ADAM12: variants seen among roughly 807,000 people sequenced by gnomAD.
ADAM12 encodes the protein ADAM metallopeptidase domain 12.
A neutral mutation model predicts 106.4 loss-of-function variants in ADAM12; 70 were observed. The observed-to-expected ratio is 0.66, with a 90% CI of 0.54 to 0.80. The LOEUF is 0.80. Ranked by LOEUF, ADAM12 falls within the 30% of genes least tolerant of loss-of-function variation. The pLI, the probability that ADAM12 is intolerant of heterozygous loss-of-function variation, is 0.00. For synonymous variants in ADAM12, 420 were observed against 433.5 expected, an observed-to-expected ratio of 0.97 and a Z score of 0.39; for missense variants, 1,010 against 1,171.9, an observed-to-expected ratio of 0.86 and a Z score of 2.02.
At chr10:126,051,818 GA>G (rs1176956667) in intron 14 of ADAM12, among the ~76,000 whole-genome samples, 2 of 152,146 alleles carry the variant, frequency 1.3e-5, no homozygotes, top group African/African-American at 4.8e-5. Context: ...AGGAGACACA[GA>G]AAAAAGACCC....
intron 22 of ADAM12, among the ~76,000 whole-genome samples, chr10:126,018,568 G>A (rs1391081759): frequency 1.3e-5 from 2 of 152,148 alleles, no homozygotes; most frequent in Non-Finnish European, 2.9e-5. Context: ...AGTGAGTTTT[G>A]AGCACTTATT....
intron 11 of ADAM12, among the ~76,000 whole-genome samples, chr10:126,073,072 A>T (rs768270917): frequency 2.1e-4 from 32 of 152,190 alleles, no homozygotes; most frequent in Non-Finnish European, 4.3e-4. Flanking sequence ...TATTAGGCAC[A>T]GATTTTTAAT....
intron 2 of ADAM12, among the ~76,000 whole-genome samples, chr10:126,328,580 G>T (rs1424854380): frequency 6.6e-6 from 1 of 152,072 alleles, no homozygotes; most frequent in Non-Finnish European, 1.5e-5. Flanking sequence ...AGCTTTCGGG[G>T]TTACCCACCA....
intron 18 of ADAM12, among the ~76,000 whole-genome samples, 200 bp downstream of exon 18, chr10:126,042,840 G>A (rs918359728): frequency 6.6e-6 from 1 of 152,232 alleles, no homozygotes; most frequent in African/African-American, 2.4e-5. Flanking sequence ...TCAAAGCAGA[G>A]AGCAAGGAGC....
intron 11 of ADAM12, among the ~76,000 whole-genome samples, chr10:126,075,357 A>G (rs1322017159): frequency 2.0e-5 from 3 of 152,136 alleles, no homozygotes; most frequent in Non-Finnish European, 4.4e-5. Context: ...ACAGCCTATC[A>G]CACATCATTC....
intron 3 of ADAM12, among the ~76,000 whole-genome samples, chr10:126,165,882 T>A (rs1957015969): frequency 6.6e-6 from 1 of 152,198 alleles, no homozygotes; most frequent in African/African-American, 2.4e-5. Flanking sequence ...TCCTAACTAT[T>A]TAAACTGTAC....
intron 21 of ADAM12, among the ~76,000 whole-genome samples, chr10:126,030,778 G>T (rs1195404496): frequency 6.6e-6 from 1 of 152,220 alleles, no homozygotes; most frequent in African/African-American, 2.4e-5. Flanking sequence ...GTTTCTGGAA[G>T]TATTGGGTAG....
chr10:126,159,100 G>C lies in ADAM12; in HGVS notation c.261-3795C>G, dbSNP rs140053893. ...CAAGGCGGGCAGATCACGAGGTCAGGAGATCGAGACCATTCTGGCTAATAC... is the reference window on the plus strand; with the variant it reads ...CAAGGCGGGCAGATCACGAGGTCAGCAGATCGAGACCATTCTGGCTAATAC... On this transcript the variant is annotated intron_variant, in intron 3 of 22. Coordinates refer to ENST00000448723, the MANE Select transcript of ADAM12 (RefSeq NM_001288973.2). 3.6e-3 allele frequency among the ~76,000 whole-genome samples: 542 copies of C among 152,222 alleles called. 3 individuals are homozygous for C. The highest frequency in any genetic ancestry group is 0.012 in the African/African-American group (488 of 41,522).
chr10:126,255,703 A>G (rs951225987), intron 3 of ADAM12, among the ~76,000 whole-genome samples: 5 of 152,222 alleles, frequency 3.3e-5, no homozygotes, highest in Non-Finnish European at 5.9e-5. Flanking sequence ...TGAATCCCCA[A>G]CAAAGCACCT....
chr10:126,033,149 A>G (rs1183321966), intron 21 of ADAM12, among the ~76,000 whole-genome samples: 1 of 152,190 alleles, frequency 6.6e-6, no homozygotes, highest in African/African-American at 2.4e-5. Flanking sequence ...GTACTGGCTC[A>G]TAACTGCCAG....
At chr10:126,381,216 A>C (rs184808966) in intron 1 of ADAM12, among the ~76,000 whole-genome samples, 1 of 152,238 alleles carries the variant, frequency 6.6e-6, no homozygotes, top group Non-Finnish European at 1.5e-5. Context: ...CAAGTGAGAG[A>C]AAGAAAATAC....
At position 126,104,192 on chromosome 10, in the gene ADAM12, G is replaced by A. The variant is rs571492585; in HGVS notation, c.742-2951C>T. ...AGGCTGGACATGGTGGCTCATGCCT[G>A]TAATCCCGGCACTTTGGGAGGCTGA... On this transcript the variant is annotated intron_variant, in intron 8 of 22. Coordinates refer to ENST00000448723, the MANE Select transcript of ADAM12 (RefSeq NM_001288973.2). 2.1e-4 allele frequency among the ~76,000 whole-genome samples: 32 copies of A among 152,338 alleles called. 1 individual carries two copies. The South Asian group carries it at 6.6e-3, about 32-fold the overall frequency.
chr10:126,157,828 G>A (rs1282645628), intron 3 of ADAM12, among the ~76,000 whole-genome samples: 2 of 116,232 alleles, frequency 1.7e-5, no homozygotes, highest in Non-Finnish European at 4.0e-5. Context: ...AGGGCACCCT[G>A]GCCCTGTCAC....
At position 126,081,172 on chromosome 10, in the gene ADAM12, G is replaced by A. The variant is rs146830380; in HGVS notation, c.1146-9518C>T. Among the ~76,000 whole-genome samples, 641 of 152,272 alleles carry A rather than the reference G, an allele frequency of 4.2e-3. 6 individuals are homozygous for A. The highest frequency in any genetic ancestry group is 4.1e-3 in the Non-Finnish European group (282 of 68,010). ...ATTAATAAACACGCACTGAGTCTAG[G>A]TTCCCCACCTCCAAGCTCAGGGGCT... On this transcript the variant is annotated intron_variant, in intron 11 of 22. Coordinates refer to ENST00000448723, the MANE Select transcript of ADAM12 (RefSeq NM_001288973.2).
At chr10:126,193,465 A>T (rs1957541506) in intron 3 of ADAM12, among the ~76,000 whole-genome samples, 1 of 152,154 alleles carries the variant, frequency 6.6e-6, no homozygotes, top group African/African-American at 2.4e-5. Flanking sequence ...CATTAGAGAA[A>T]TGTGCTTACT....
At chr10:126,381,735 C>A (rs1856501008) in intron 1 of ADAM12, among the ~76,000 whole-genome samples, 1 of 152,014 alleles carries the variant, frequency 6.6e-6, no homozygotes, top group African/African-American at 2.4e-5. Flanking sequence ...CTCCTGACCT[C>A]AAGTGATCCA....
intron 16 of ADAM12, among the ~76,000 whole-genome samples, chr10:126,048,592 TG>T (rs796955821): frequency 4.6e-5 from 7 of 152,066 alleles, no homozygotes; most frequent in African/African-American, 1.7e-4. Flanking sequence ...AAGAAGCATT[TG>T]GGGGTTGTTT....
intron 3 of ADAM12, among the ~76,000 whole-genome samples, chr10:126,250,652 T>G (rs1341869830): frequency 6.6e-6 from 1 of 152,188 alleles, no homozygotes; most frequent in Non-Finnish European, 1.5e-5. Flanking sequence ...TAGCTTTACA[T>G]TGTTAACCGA....
chr10:126,044,009 TGGC>T (rs1340596087), intron 17 of ADAM12, among the ~76,000 whole-genome samples: 1 of 152,206 alleles, frequency 6.6e-6, no homozygotes, highest in Non-Finnish European at 1.5e-5. Context: ...GGGCTACTGA[TGGC>T]GGCCACTCCC....
Sources: allele counts gnomAD v4.1 joint callset (sites outside exome capture counted in the v4.1 genomes callset), GRCh38; gene constraint gnomAD v4.1.1; transcripts MANE v1.5; gene names NCBI Gene and HGNC (gene_info 2026-07-23, HGNC 2026-07-21).